Variants in CPXM2 observed in about 807,000 individuals in gnomAD.
The protein encoded by CPXM2 is inactive carboxypeptidase-like protein X2.
In CPXM2, 66 loss-of-function variants were observed where a neutral mutation model predicts 86.1. That is an observed-to-expected ratio of 0.77 (90% CI 0.63 to 0.94). The LOEUF is 0.94. Ranked by LOEUF, CPXM2 falls within the 40% of genes least tolerant of loss-of-function variation. CPXM2 has a pLI of 0.00. For missense variants in CPXM2, 948 were observed against 1,026.3 expected, an observed-to-expected ratio of 0.92 and a Z score of 1.04; for synonymous variants, 388 against 400.2, an observed-to-expected ratio of 0.97 and a Z score of 0.36.
intron 11 of CPXM2, among the ~76,000 whole-genome samples, chr10:123,760,532 A>G (rs1428860923): frequency 1.3e-5 from 2 of 152,216 alleles, no homozygotes; most frequent in East Asian, 1.9e-4. Flanking sequence ...CAAGGGTGGG[A>G]ACATACTTCA....
At chr10:123,794,910 C>T (rs1321198158) in intron 6 of CPXM2, among the ~76,000 whole-genome samples, 3 of 152,058 alleles carry the variant, frequency 2.0e-5, no homozygotes, top group African/African-American at 4.8e-5. Flanking sequence ...GCTGGGATTA[C>T]AGGCACCCGC....
chr10:123,811,026 G>T lies in CPXM2; in HGVS notation c.654-11827C>A, dbSNP rs187399162. 2.8e-3 allele frequency among the ~76,000 whole-genome samples: 428 copies of T among 151,914 alleles called. 2 individuals carry two copies. Among genetic ancestry groups the T allele is most frequent in the African/African-American group, 9.9e-3 (412 of 41,458 alleles). ...ACCTGAAAGAGATCTCTAGCATATCGATTTTAAATAAATGAACTATTAAAT... is the reference window on the plus strand; with the variant it reads ...ACCTGAAAGAGATCTCTAGCATATCTATTTTAAATAAATGAACTATTAAAT... On this transcript the variant is annotated intron_variant, in intron 4 of 13. Transcript: ENST00000241305.
chr10:123,850,369 GT>G (rs1255522260), intron 3 of CPXM2, among the ~76,000 whole-genome samples: 1 of 152,186 alleles, frequency 6.6e-6, no homozygotes, highest in Non-Finnish European at 1.5e-5. Flanking sequence ...CATGGTTTCA[GT>G]TATCTGAAGT....
At chr10:123,941,426 T>C (rs9664598), upstream of CPXM2, among the ~76,000 whole-genome samples, 49,946 of 151,762 alleles carry the variant, frequency 0.33, 8,657 homozygotes, top group African/African-American at 0.43. Flanking sequence ...TCTGTCTCTG[T>C]ATCTTCTCTT....
At chr10:123,892,830 T>TTTCCTCCTGCTGGCTGCCTGTG (rs1329792038), upstream of CPXM2, among the ~76,000 whole-genome samples, 8 of 152,198 alleles carry the variant, frequency 5.3e-5, no homozygotes, top group Non-Finnish European at 8.8e-5. Context: ...CTGAGGCGCC[T>TTTCCTCCTGCTGGCTGCCTGTG]TTCCTCCTGC....
chr10:123,942,715 G>T (rs1056239505), upstream of CPXM2, among the ~76,000 whole-genome samples: 1 of 152,158 alleles, frequency 6.6e-6, no homozygotes, highest in Admixed American at 6.5e-5. Flanking sequence ...CAGCCCTCAG[G>T]AGGGCTCTCA....
At chr10:123,862,802 G>C in intron 2 of CPXM2, 79 bp from the exon 3 acceptor site, 2 of 1,285,944 alleles carry the variant, frequency 1.6e-6, no homozygotes, top group South Asian at 1.3e-5. Flanking sequence ...ATCTGGCCGC[G>C]TGCTTTTCCA....
chr10:123,818,598 C>T (rs1178519398), intron 4 of CPXM2, among the ~76,000 whole-genome samples: 4 of 152,188 alleles, frequency 2.6e-5, no homozygotes, highest in Admixed American at 6.5e-5. Context: ...TCCACTGTCA[C>T]GGTATTCTGC....
At chr10:123,811,403 G>T (rs1016946602) in intron 4 of CPXM2, among the ~76,000 whole-genome samples, 1 of 151,508 alleles carries the variant, frequency 6.6e-6, no homozygotes, top group Non-Finnish European at 1.5e-5. Context: ...GTGGTGTTTG[G>T]TTTTTTGTCC....
intron 6 of CPXM2, among the ~76,000 whole-genome samples, chr10:123,791,198 G>A (rs572522298): frequency 4.6e-5 from 7 of 152,294 alleles, no homozygotes; most frequent in African/African-American, 1.7e-4. Flanking sequence ...CAGATCATCT[G>A]AGGTCGGGGG....
chr10:123,766,972 C>T lies in CPXM2; in HGVS notation c.1479+1G>A. The T allele has an allele frequency of 6.2e-7, 1 of 1,612,834 alleles. No individual in the cohort carries two copies. ...TACAGATGACGGGTATTTTGACTCA[C>T]CGTGGCATTTTCCGACAGAAACCAC... On this transcript the variant is annotated splice_donor_variant, in intron 10 of 13. Coordinates refer to ENST00000241305, the MANE Select transcript of CPXM2 (RefSeq NM_198148.3). LOFTEE classifies it high-confidence loss of function.
At chr10:123,833,731 A>C (rs922281547) in intron 4 of CPXM2, among the ~76,000 whole-genome samples, 1 of 152,242 alleles carries the variant, frequency 6.6e-6, no homozygotes, top group Middle Eastern at 3.2e-3. Context: ...ACTGCCTCCC[A>C]GTTAACGCCA....
Position 123,746,787 on chromosome 10 carries a change from G to A in CPXM2, c.2248C>T (p.Gln750Ter), listed in dbSNP as rs139450310. 2.5e-5 allele frequency: 40 copies of A among 1,614,064 alleles called. No individual in the cohort carries two copies. In the African/African-American group the frequency reaches 4.3e-4, roughly 17 times the overall value. ...LPARRLKLRGQKRRQRG is the reference protein window; with the variant it reads ...LPARRLKLRG ...GGTCACCCACGCTGTCGTCTCTTCT[G>A]CCCCCGCAGCTTCAGCCGCCTGGCT... The change falls in exon 14 of 14, where the codon CAG (glutamine) becomes TAG (stop). Residue 750 changes from glutamine (Q) to a stop codon, truncating the protein, a stop_gained. Transcript: ENST00000241305. LOFTEE classifies it high-confidence loss of function.
chr10:123,843,685 G>GA (rs1373082610), intron 3 of CPXM2, among the ~76,000 whole-genome samples: 1 of 152,156 alleles, frequency 6.6e-6, no homozygotes, highest in Non-Finnish European at 1.5e-5. Flanking sequence ...ATGGAAATGT[G>GA]AAACTAAGAG....
rs200115597 is a variant in CPXM2, at chr10:123,831,569, C to T, written c.653+10780G>A. Among the ~76,000 whole-genome samples the T allele has an allele frequency of 3.7e-4, 57 of 152,250 alleles. No individual in the cohort carries two copies. The East Asian group carries it at 8.5e-3, about 23-fold the overall frequency. On this transcript the variant is annotated intron_variant, in intron 4 of 13. Coordinates refer to ENST00000241305, the MANE Select transcript of CPXM2 (RefSeq NM_198148.3). Reference sequence around the variant, plus strand: ...GACATTTATTCTCTTATGGTTCTGGCGGTCAGAAGTCCTAAAATCAGGGCT... The same window carrying T: ...GACATTTATTCTCTTATGGTTCTGGTGGTCAGAAGTCCTAAAATCAGGGCT...
At chr10:123,805,161 C>T (rs1847552581) in intron 4 of CPXM2, among the ~76,000 whole-genome samples, 1 of 151,886 alleles carries the variant, frequency 6.6e-6, no homozygotes, top group Non-Finnish European at 1.5e-5. Flanking sequence ...GTTGTTTCAG[C>T]TCTGTATCAT....
At chr10:123,906,346 C>T (rs1945441364) in intron 2 of CPXM2, among the ~76,000 whole-genome samples, 1 of 152,200 alleles carries the variant, frequency 6.6e-6, no homozygotes, top group Non-Finnish European at 1.5e-5. Context: ...AAATGTCAGG[C>T]CCAATGCTGA....
intron 2 of CPXM2, among the ~76,000 whole-genome samples, chr10:123,912,029 C>A (rs904672799): frequency 2.6e-5 from 4 of 152,128 alleles, no homozygotes; most frequent in East Asian, 1.9e-4. Context: ...GAGGACCAAG[C>A]GGGTGACTTG....
chr10:123,864,468 A>T (rs1182614089), intron 2 of CPXM2, among the ~76,000 whole-genome samples: 4 of 152,208 alleles, frequency 2.6e-5, no homozygotes, highest in Admixed American at 1.3e-4. Flanking sequence ...ACATACCCAC[A>T]ACAGTCCCAC....
Sources: gnomAD v4.1 joint callset for allele counts (sites outside exome capture counted in the v4.1 genomes callset) on GRCh38, gnomAD v4.1.1 for gene constraint, MANE v1.5 for transcripts, NCBI Gene and HGNC (gene_info 2026-07-23, HGNC 2026-07-21) for gene names.